Variants in ANO2 observed in about 807,000 individuals in gnomAD.
ANO2 encodes the protein anoctamin-2.
Under a neutral mutation model 124.2 loss-of-function variants are expected in ANO2, and 101 were observed. The ratio of observed to expected loss-of-function variants is 0.81; its 90% CI spans 0.69 to 0.96. The LOEUF is 0.96. ANO2 is among the 40% of genes least tolerant of loss of function. The pLI, the probability that ANO2 is intolerant of heterozygous loss-of-function variation, is 0.00. For synonymous variants in ANO2, 486 were observed against 482.5 expected, an observed-to-expected ratio of 1.01 and a Z score of -0.09; for missense variants, 1,293 against 1,274.5, an observed-to-expected ratio of 1.01 and a Z score of -0.22.
At chr12:5,853,291 C>T (rs971078463) in intron 4 of ANO2, among the ~76,000 whole-genome samples, 7 of 151,044 alleles carry the variant, frequency 4.6e-5, no homozygotes, top group African/African-American at 7.3e-5. Flanking sequence ...TGTGAGCCAC[C>T]GTTCCTGGCC....
intron 14 of ANO2, among the ~76,000 whole-genome samples, chr12:5,708,579 C>T (rs902665111): frequency 6.6e-6 from 1 of 152,222 alleles, no homozygotes; most frequent in Non-Finnish European, 1.5e-5. Flanking sequence ...CAAAGTGGAG[C>T]TGCCTTGGTG....
chr12:5,751,074 T>C, intron 10 of ANO2, 104 bp from the exon 11 acceptor site: 1 of 1,169,794 alleles, frequency 8.5e-7, no homozygotes. Context: ...TAGATATTCA[T>C]TCCTCTTGTG....
intron 4 of ANO2, among the ~76,000 whole-genome samples, chr12:5,841,463 T>C (rs1009293760): frequency 2.6e-5 from 4 of 152,182 alleles, no homozygotes; most frequent in African/African-American, 9.7e-5. Context: ...TGTCAGTAGG[T>C]CCTCTACACA....
At chr12:5,828,236 T>C (rs1437782550) in intron 6 of ANO2, among the ~76,000 whole-genome samples, 1 of 152,044 alleles carries the variant, frequency 6.6e-6, no homozygotes, top group Non-Finnish European at 1.5e-5. Flanking sequence ...GGCGGGGTTC[T>C]GTCTGGCGGG....
intron 3 of ANO2, among the ~76,000 whole-genome samples, chr12:5,890,595 G>A (rs1378901611): frequency 6.6e-6 from 1 of 152,194 alleles, no homozygotes; most frequent in Non-Finnish European, 1.5e-5. Flanking sequence ...CCATCCTCAA[G>A]GTAGAGATGA....
At chr12:5,689,846 G>A (rs1313046839) in intron 14 of ANO2, among the ~76,000 whole-genome samples, 1 of 152,128 alleles carries the variant, frequency 6.6e-6, no homozygotes, top group Non-Finnish European at 1.5e-5. Flanking sequence ...AGAAATAGTT[G>A]CATTTGACTT....
At chr12:5,803,853 G>A (rs1953115865) in intron 9 of ANO2, among the ~76,000 whole-genome samples, 1 of 152,196 alleles carries the variant, frequency 6.6e-6, no homozygotes, top group African/African-American at 2.4e-5. Context: ...CTTCAGGAGA[G>A]GGAGACTGAC....
intron 5 of ANO2, 126 bp from the exon 6 acceptor site, chr12:5,830,615 C>G (rs1444526842): frequency 6.0e-6 from 4 of 667,240 alleles, no homozygotes; most frequent in Non-Finnish European, 9.9e-6. Flanking sequence ...TGCACACACA[C>G]ACGATGTTTA....
intron 7 of ANO2, among the ~76,000 whole-genome samples, chr12:5,819,229 A>G (rs1042109444): frequency 2.0e-5 from 3 of 152,180 alleles, no homozygotes; most frequent in African/African-American, 7.2e-5. Context: ...AGACCTATAA[A>G]TAGACTGAAG....
At chr12:5,912,992 C>T (rs1346327206) in intron 3 of ANO2, among the ~76,000 whole-genome samples, 1 of 152,176 alleles carries the variant, frequency 6.6e-6, no homozygotes, top group African/African-American at 2.4e-5. Context: ...CATCCCACTC[C>T]AGAGGAGAAA....
intron 14 of ANO2, among the ~76,000 whole-genome samples, chr12:5,675,700 T>C (rs2136993522): frequency 6.6e-6 from 1 of 152,328 alleles, no homozygotes; most frequent in East Asian, 1.9e-4. Flanking sequence ...AGACAGGAGA[T>C]GTGCTTCCAA....
At chr12:5,942,928 G>A (rs1942950791) in intron 1 of ANO2, among the ~76,000 whole-genome samples, 1 of 152,190 alleles carries the variant, frequency 6.6e-6, no homozygotes, top group Non-Finnish European at 1.5e-5. Flanking sequence ...CCTTACTGCT[G>A]CAAGAATGGC....
In ANO2 at chr12:5,923,227, T is replaced by C. The variant is rs1256837142; in HGVS notation, c.23-423A>G. On this transcript the variant is annotated intron_variant, in intron 1 of 24. Coordinates refer to ENST00000682330, the MANE Select transcript of ANO2 (RefSeq NM_001364791.2). ...ACACACACCCACATACACACACACA[T>C]GCACACATACACACACGCATACACA... 1.3e-4 allele frequency among the ~76,000 whole-genome samples: 10 copies of C among 74,112 alleles called. 3 individuals are homozygous for C. Among genetic ancestry groups the C allele is most frequent in the African/African-American group, 4.2e-4 (10 of 24,070 alleles). The allele number at this position is 74,112 out of a possible 152,430, so 48.6% of individuals were successfully genotyped here. A position where few individuals can be genotyped will look rare whatever the true frequency, so the allele number is the denominator to read the frequency against.
At chr12:5,830,813 T>G (rs1055950491) in intron 5 of ANO2, among the ~76,000 whole-genome samples, 2 of 152,194 alleles carry the variant, frequency 1.3e-5, no homozygotes, top group African/African-American at 4.8e-5. Flanking sequence ...TCATTGAAAT[T>G]TATAATTATG....
chr12:5,807,999 G>A (rs531104266), intron 7 of ANO2, among the ~76,000 whole-genome samples: 54 of 152,352 alleles, frequency 3.5e-4, no homozygotes, highest in Non-Finnish European at 7.1e-4. Flanking sequence ...GTACATAGTG[G>A]GGTGTTGTGG....
rs544985660 is a variant in ANO2 at position 5,672,242 on chromosome 12, T to C, written c.1546-24441A>G. Among the ~76,000 whole-genome samples, 17 of 152,088 alleles carry C rather than the reference T, an allele frequency of 1.1e-4. No individual in the cohort carries two copies. In the South Asian group the frequency reaches 1.9e-3, roughly 17 times the overall value. ...CAAAGCCATGCTCCCTACCCTCCAA[T>C]CCAGGAAATGTAAAAATATATCAAC... On this transcript the variant is annotated intron_variant, in intron 14 of 24. Coordinates refer to ENST00000682330, the MANE Select transcript of ANO2 (RefSeq NM_001364791.2).
intron 14 of ANO2, among the ~76,000 whole-genome samples, chr12:5,693,540 A>G (rs932084865): frequency 5.3e-5 from 8 of 152,142 alleles, no homozygotes; most frequent in African/African-American, 1.9e-4. Context: ...CTAAGCAACC[A>G]GAGTGAGCAT....
At chr12:5,914,231 C>T (rs993980732) in intron 3 of ANO2, among the ~76,000 whole-genome samples, 1 of 151,410 alleles carries the variant, frequency 6.6e-6, no homozygotes, top group Non-Finnish European at 1.5e-5. Context: ...GAAAGTGAGG[C>T]GACATTCTGA....
chr12:5,839,038 A>G (rs1004761498), intron 4 of ANO2, among the ~76,000 whole-genome samples: 1 of 152,228 alleles, frequency 6.6e-6, no homozygotes, highest in Non-Finnish European at 1.5e-5. Flanking sequence ...ACACCCAAAC[A>G]AAATACATGA....
Sources: gnomAD v4.1 joint callset for allele counts (sites outside exome capture counted in the v4.1 genomes callset) on GRCh38, gnomAD v4.1.1 for gene constraint, MANE v1.5 for transcripts, NCBI Gene and HGNC (gene_info 2026-07-23, HGNC 2026-07-21) for gene names.